KCNMA1: variants seen among roughly 807,000 people sequenced by gnomAD.
KCNMA1 encodes potassium calcium-activated channel subfamily M alpha 1, also known as Calcium-activated potassium channel subunit alpha-1.
KCNMA1 carries 29 observed loss-of-function variants against 140.0 expected under a neutral mutation model. That is an observed-to-expected ratio of 0.21 (90% CI 0.15 to 0.28). The LOEUF is 0.28. KCNMA1 is among the 10% of genes least tolerant of loss of function. The pLI is 1.00. For missense variants in KCNMA1, 880 were observed against 1,602.2 expected (o/e 0.55, Z 7.70); for synonymous variants, 612 against 611.9 (o/e 1.00, Z 0.00).
chr10:77,458,223 C>CA (rs2097791817), intron 1 of KCNMA1, among the ~76,000 whole-genome samples: 1 of 152,230 alleles, frequency 6.6e-6, no homozygotes, highest in Admixed American at 6.5e-5. Context: ...AGAATGGCCC[C>CA]ACCCATGCAG....
chr10:77,102,353 C>G (rs1157382674), intron 9 of KCNMA1, among the ~76,000 whole-genome samples: 1 of 152,150 alleles, frequency 6.6e-6, no homozygotes. Flanking sequence ...CACGTTGATA[C>G]AAGACAGCCA....
chr10:77,179,720 C>T (rs1055065105), intron 5 of KCNMA1, among the ~76,000 whole-genome samples: 8 of 152,130 alleles, frequency 5.3e-5, no homozygotes, highest in Non-Finnish European at 1.2e-4. Flanking sequence ...CCCCTCCCAC[C>T]ACTCCCAGGA....
At chr10:77,281,104 C>A (rs969494000) in intron 2 of KCNMA1, among the ~76,000 whole-genome samples, 5 of 151,736 alleles carry the variant, frequency 3.3e-5, no homozygotes, top group African/African-American at 1.2e-4. Context: ...CTTATGAGAA[C>A]AAATCCATAA....
chr10:77,437,699 C>T (rs1354118128), intron 1 of KCNMA1, among the ~76,000 whole-genome samples: 1 of 152,144 alleles, frequency 6.6e-6, no homozygotes, highest in African/African-American at 2.4e-5. Context: ...CTTCTGATGG[C>T]AGGGGCTAGT....
chr10:77,394,842 G>A (rs1012650686), intron 2 of KCNMA1, among the ~76,000 whole-genome samples: 2 of 152,130 alleles, frequency 1.3e-5, no homozygotes, highest in African/African-American at 4.8e-5. Flanking sequence ...TCTTTACAGG[G>A]ACAGATGGTA....
At chr10:77,100,034 T>G (rs180855772) in intron 9 of KCNMA1, among the ~76,000 whole-genome samples, 7 of 152,314 alleles carry the variant, frequency 4.6e-5, no homozygotes, top group Admixed American at 4.6e-4. Context: ...ATGATTTCAA[T>G]GAATAAAATT....
chr10:76,948,963 A>G (rs2065258185), intron 22 of KCNMA1, 179 bp downstream of exon 22: 1 of 671,118 alleles, frequency 1.5e-6, no homozygotes, highest in South Asian at 1.7e-5. Context: ...TCCTTTTAAT[A>G]AGGTCTCCCA....
intron 1 of KCNMA1, among the ~76,000 whole-genome samples, chr10:77,459,286 G>A (rs767991437): frequency 5.3e-5 from 8 of 152,184 alleles, no homozygotes; most frequent in South Asian, 4.1e-4. Flanking sequence ...CAGCTTCTTC[G>A]CAATGGGAAT....
At chr10:76,903,341 C>T (rs963177567) in intron 25 of KCNMA1, 3 of 152,210 alleles carry the variant, frequency 2.0e-5, no homozygotes, top group Admixed American at 6.5e-5. Flanking sequence ...CTCTGCCTTT[C>T]GTTTATAATT....
At chr10:76,875,104 G>A (rs1276067530), downstream of KCNMA1, 1 of 152,248 alleles carries the variant, frequency 6.6e-6, no homozygotes, top group African/African-American at 2.4e-5. Context: ...AAGCCAGGGA[G>A]AAGCTCTGGC....
intron 1 of KCNMA1, among the ~76,000 whole-genome samples, chr10:77,520,155 C>CCGGGGTA (rs2052573607): frequency 1.3e-3 from 1 of 798 alleles, no homozygotes; most frequent in African/African-American, 4.3e-3. Flanking sequence ...AGTGTGAGGT[C>CCGGGGTA]TGGCATATGC....
chr10:77,469,672 G>A (rs1336308391), intron 1 of KCNMA1, among the ~76,000 whole-genome samples: 1 of 152,190 alleles, frequency 6.6e-6, no homozygotes, highest in Non-Finnish European at 1.5e-5. Flanking sequence ...GCTCTCTGCT[G>A]CCTCAGCAAG....
intron 12 of KCNMA1, among the ~76,000 whole-genome samples, chr10:77,083,657 T>C (rs999496148): frequency 2.0e-5 from 3 of 151,922 alleles, no homozygotes; most frequent in African/African-American, 7.3e-5. Context: ...AGCAAGACCC[T>C]GTCCCTACTA....
chr10:77,182,100 T>A (rs191322451), intron 5 of KCNMA1, among the ~76,000 whole-genome samples: 15 of 152,296 alleles, frequency 9.8e-5, no homozygotes, highest in Non-Finnish European at 1.8e-4. Flanking sequence ...CAACATTTTT[T>A]AAGTTATCCA....
At chr10:76,975,077 C>T (rs1324479134) in intron 19 of KCNMA1, among the ~76,000 whole-genome samples, 1 of 152,138 alleles carries the variant, frequency 6.6e-6, no homozygotes, top group African/African-American at 2.4e-5. Context: ...TGCCACTCCT[C>T]AGAAAGACAG....
intron 1 of KCNMA1, among the ~76,000 whole-genome samples, chr10:77,448,799 C>A (rs2097575243): frequency 6.6e-6 from 1 of 152,074 alleles, no homozygotes; most frequent in African/African-American, 2.4e-5. Context: ...TAACAAAATA[C>A]TACTAACAGG....
intron 1 of KCNMA1, among the ~76,000 whole-genome samples, chr10:77,532,401 T>A (rs564541911): frequency 6.6e-6 from 1 of 152,058 alleles, no homozygotes; most frequent in Non-Finnish European, 1.5e-5. Flanking sequence ...AGGGAAGAGG[T>A]TGGCAGCAGA....
chr10:77,307,695 C>A (rs1398783243), intron 2 of KCNMA1, among the ~76,000 whole-genome samples: 2 of 152,098 alleles, frequency 1.3e-5, no homozygotes, highest in African/African-American at 2.4e-5. Context: ...TACAGGCGCG[C>A]ACCACCACGC....
At chr10:77,343,344 T>C (rs1184032888) in intron 2 of KCNMA1, among the ~76,000 whole-genome samples, 1 of 152,206 alleles carries the variant, frequency 6.6e-6, no homozygotes, top group African/African-American at 2.4e-5. Context: ...CCTGATTGTA[T>C]AGATAAAGAA....
Sources: allele counts gnomAD v4.1 joint callset (sites outside exome capture counted in the v4.1 genomes callset), GRCh38; gene constraint gnomAD v4.1.1; transcripts MANE v1.5; gene names NCBI Gene and HGNC (gene_info 2026-07-23, HGNC 2026-07-21).